EXOC7: variants seen among roughly 807,000 people sequenced by gnomAD.
EXOC7 encodes the protein exocyst complex component Exo70.
A neutral mutation model predicts 87.6 loss-of-function variants in EXOC7; 51 were observed. That is an observed-to-expected ratio of 0.58 (90% confidence interval 0.46 to 0.73). The LOEUF (loss-of-function observed/expected upper bound fraction) is 0.73, where lower values mean the gene tolerates loss of function less well. Among genes scored for constraint, EXOC7 ranks in the 30% least tolerant of loss-of-function variants. The pLI is 0.00. For missense variants in EXOC7, 744 were observed against 888.4 expected (o/e 0.84, Z 2.07); for synonymous variants, 327 against 357.1 (o/e 0.92, Z 0.95).
chr17:76,087,335 G>C, intron 12 of EXOC7: 2 of 447,178 alleles, frequency 4.5e-6, no homozygotes, highest in Admixed American at 3.8e-5. Flanking sequence ...AGGCAGACAC[G>C]AGAGAAGGAT....
chr17:76,081,129 C>A lies in EXOC7; in HGVS notation c.*2519G>T. ...ATGTTGCAAAACAAGGTTTGGGAAG[C>A]CCTTCTATGGATCGGTTTTGTGTCC... On this transcript the variant is annotated 3_prime_UTR_variant, in exon 19 of 19. Transcript: ENST00000589210. 1 of 1,096,874 alleles carries A rather than the reference C, an allele frequency of 9.1e-7. No homozygotes were observed. Among genetic ancestry groups the A allele is most frequent in the Non-Finnish European group, 1.3e-6 (1 of 758,414 alleles). 67.9% of individuals were successfully genotyped at this position (1,096,874 alleles called of 1,614,324 possible). A position where few individuals can be genotyped will look rare whatever the true frequency, so the allele number is the denominator to read the frequency against.
rs771502072 is a variant in EXOC7 at position 76,097,974 on chromosome 17, A to G, written c.462T>C (p.Phe154=). The G allele has an allele frequency of 1.2e-6, 2 of 1,614,128 alleles. No homozygotes were observed. The highest frequency in any genetic ancestry group is 2.2e-5 in the East Asian group (1 of 44,870). Residue 154 remains phenylalanine, a synonymous_variant, in exon 5 of 19, where the codon TTT becomes TTC. Transcript: ENST00000589210. ...TACTGTGCCGCGTCATCAGGCTGCG[A>G]AATTCGGACTCCAGGGCCTCCTTCC... ...ERGKEALESE[F]RSLMTRHSKV... is the part of the protein sequence containing the mutation.
intron 4 of EXOC7, among the ~76,000 whole-genome samples, chr17:76,100,494 G>C (rs1286025627): frequency 2.6e-5 from 4 of 151,588 alleles, no homozygotes; most frequent in Non-Finnish European, 2.9e-5. Context: ...AAAATTAGCC[G>C]AGAGTGGTGG....
Position 76,081,466 on chromosome 17 carries a change from G to A in EXOC7, c.*2182C>T, listed in dbSNP as rs1178865537. ...GAGGCGGGTGGGAGTGAGGATGCAC[G>A]GCCAGAGGCCAGGCCCCATGCCCCC... is the stretch of plus-strand genomic sequence containing the variant. On this transcript the variant is annotated 3_prime_UTR_variant, in exon 19 of 19. Coordinates refer to ENST00000589210, the MANE Select transcript of EXOC7 (RefSeq NM_001013839.4). The A allele has an allele frequency of 9.9e-6, 16 of 1,610,590 alleles. No homozygotes were observed. The highest frequency in any genetic ancestry group is 3.3e-5 in the South Asian group (3 of 90,804).
intron 9 of EXOC7, 84 bp from the exon 10 acceptor site, chr17:76,088,646 T>G: frequency 2.5e-6 from 4 of 1,597,054 alleles, no homozygotes; most frequent in Non-Finnish European, 3.4e-6. Flanking sequence ...CTAAGCTGCT[T>G]CCATGCACCT....
At chr17:76,098,045 T>C in intron 4 of EXOC7, 27 bp from the exon 5 acceptor site, 1 of 1,596,146 alleles carries the variant, frequency 6.3e-7, no homozygotes, top group Non-Finnish European at 8.6e-7. Flanking sequence ...AGGAAGCAGG[T>C]GCCTGCTGCT....
chr17:76,087,354 G>A (rs1017998574), intron 12 of EXOC7: 1 of 471,892 alleles, frequency 2.1e-6, no homozygotes, highest in East Asian at 3.7e-5. Context: ...ATTTGGGAGG[G>A]GGGCAGGGGC....
chr17:76,082,417 A>G lies in EXOC7; in HGVS notation c.*1231T>C. 6.5e-7 allele frequency: 1 copy of G among 1,540,482 alleles called. No individual in the cohort carries two copies. Among genetic ancestry groups the G allele is most frequent in the Non-Finnish European group, 8.8e-7 (1 of 1,140,128 alleles). ...GGGGTTCGCTCTTCCGCTCATGTTG[A>G]GGGGACCTTGAAGAACAGCTCCTTT... On this transcript the variant is annotated 3_prime_UTR_variant, in exon 19 of 19. Coordinates refer to ENST00000589210, the MANE Select transcript of EXOC7 (RefSeq NM_001013839.4).
chr17:76,086,814 T>C, intron 12 of EXOC7: 1 of 1,543,934 alleles, frequency 6.5e-7, no homozygotes. Flanking sequence ...CCACCAAGCT[T>C]CAGAGGGACA....
In EXOC7 at chr17:76,083,621, T is replaced by C; in HGVS notation, c.*27A>G. 1 of 1,610,364 alleles carries C rather than the reference T, an allele frequency of 6.2e-7. No individual in the cohort carries two copies. On this transcript the variant is annotated 3_prime_UTR_variant, in exon 19 of 19. Transcript: ENST00000589210. ...TCTGTCCAATGACACGCCAGTCTGGTGGAACCAGGCAGGGCTAGCAGCAGG... is the reference window on the plus strand; with the variant it reads ...TCTGTCCAATGACACGCCAGTCTGGCGGAACCAGGCAGGGCTAGCAGCAGG...
At chr17:76,101,438 A>C (rs965916916) in intron 3 of EXOC7, 62 bp from the exon 4 acceptor site, 8 of 1,577,352 alleles carry the variant, frequency 5.1e-6, no homozygotes, top group Non-Finnish European at 6.9e-6. Flanking sequence ...CTAAGGACAC[A>C]GTATTTGGGA....
At chr17:76,091,275 A>G (rs751950462) in intron 6 of EXOC7, 40 bp from the exon 7 acceptor site, 1 of 1,577,938 alleles carries the variant, frequency 6.3e-7, no homozygotes, top group Non-Finnish European at 8.7e-7. Context: ...AAGAAGACCT[A>G]GGAAATGAGT....
chr17:76,081,655 G>A lies in EXOC7; in HGVS notation c.*1993C>T, dbSNP rs773278559. The A allele has an allele frequency of 8.7e-6, 14 of 1,614,026 alleles. No homozygotes were observed. In the Admixed American group the frequency reaches 1.3e-4, roughly 15 times the overall value. Reference sequence around the variant, plus strand: ...GGTTGCTGCCCCTCCGGGCCATTGAGCGCATAGGCTACAAGGTGACATTGC... The same window carrying A: ...GGTTGCTGCCCCTCCGGGCCATTGAACGCATAGGCTACAAGGTGACATTGC... On this transcript the variant is annotated 3_prime_UTR_variant, in exon 19 of 19. Coordinates refer to ENST00000589210, the MANE Select transcript of EXOC7 (RefSeq NM_001013839.4).
chr17:76,091,041 CAG>C (rs1197446351), intron 7 of EXOC7, 100 bp downstream of exon 7: 1 of 1,010,942 alleles, frequency 9.9e-7, no homozygotes, highest in Non-Finnish European at 1.6e-6. Context: ...CTGCTCCCCT[CAG>C]GGTTTCTCCC....
rs1272758693 is a variant in EXOC7 at position 76,081,249 on chromosome 17, G to T, written c.*2399C>A. 7 of 1,612,086 alleles carry T rather than the reference G, an allele frequency of 4.3e-6. No homozygotes were observed. The highest frequency in any genetic ancestry group is 5.9e-6 in the Non-Finnish European group (7 of 1,179,502). On this transcript the variant is annotated 3_prime_UTR_variant, in exon 19 of 19. Coordinates refer to ENST00000589210, the MANE Select transcript of EXOC7 (RefSeq NM_001013839.4). ...TTGGCAGCTGGGATCTCTCCTTCCT[G>T]GTTCATAGTTCTCATTCCCACCCCT...
At chr17:76,100,456 G>A (rs992486195) in intron 4 of EXOC7, among the ~76,000 whole-genome samples, 5 of 150,228 alleles carry the variant, frequency 3.3e-5, no homozygotes, top group Non-Finnish European at 7.4e-5. Context: ...GTGAAATCCC[G>A]TTTCTACTAA....
chr17:76,082,672 G>A lies in EXOC7; in HGVS notation c.*976C>T, dbSNP rs374420142. The A allele has an allele frequency of 3.2e-6, 5 of 1,585,586 alleles. No homozygotes were observed. Among genetic ancestry groups the A allele is most frequent in the Non-Finnish European group, 1.7e-6 (2 of 1,166,452 alleles). On this transcript the variant is annotated 3_prime_UTR_variant, in exon 19 of 19. Transcript: ENST00000589210. The stretch of plus-strand genomic sequence containing the variant: ...ACTGTAAAGGGGCAGGGCCTGGGCT[G>A]CACACCTTAGGATGAAGTTTGCTTT...
chr17:76,101,397 G>T, intron 3 of EXOC7, 21 bp from the exon 4 acceptor site: 1 of 1,613,846 alleles, frequency 6.2e-7, no homozygotes, highest in Admixed American at 1.7e-5. Context: ...AAAGAGCCAG[G>T]TCAGGCTGGG....
In EXOC7 at chr17:76,081,619, C is replaced by T. The variant is rs766837277; in HGVS notation, c.*2029G>A. ...CTGCAGAGGCACTGCTGTTGGCTGA[C>T]GTGTGCGGGGGGTTGCTGCCCCTCC... is the stretch of plus-strand genomic sequence containing the variant. On this transcript the variant is annotated 3_prime_UTR_variant, in exon 19 of 19. Coordinates refer to ENST00000589210, the MANE Select transcript of EXOC7 (RefSeq NM_001013839.4). 23 of 1,614,104 alleles carry T rather than the reference C, an allele frequency of 1.4e-5. No individual in the cohort carries two copies. The East Asian group carries it at 2.0e-4, about 14-fold the overall frequency.
Sources: gnomAD v4.1 joint callset for allele counts (sites outside exome capture counted in the v4.1 genomes callset) on GRCh38, gnomAD v4.1.1 for gene constraint, MANE v1.5 for transcripts, NCBI Gene and HGNC (gene_info 2026-07-23, HGNC 2026-07-21) for gene names.